PLEK: variants seen among roughly 807,000 people sequenced by gnomAD.
PLEK encodes the protein platelet 47 kDa protein.
Under a neutral mutation model 43.9 loss-of-function variants are expected in PLEK, and 25 were observed. That is an observed-to-expected ratio of 0.57 (90% CI 0.41 to 0.79). The LOEUF is 0.79. Among genes scored for constraint, PLEK ranks in the 30% least tolerant of loss-of-function variants. The pLI is 0.00. For missense variants in PLEK, 396 were observed against 413.3 expected (o/e 0.96, Z 0.36); for synonymous variants, 152 against 144.4 (o/e 1.05, Z -0.38).
chr2:68,380,599 C>A (rs1673593628), intron 2 of PLEK, 116 bp downstream of exon 2: 1 of 1,383,624 alleles, frequency 7.2e-7, no homozygotes, highest in Non-Finnish European at 1.0e-6. Context: ...CCACCACCCA[C>A]ACCCCACCCT....
In PLEK at chr2:68,380,835, A is replaced by C; in HGVS notation, c.311A>C (p.Glu104Ala). ...ATCAAGAAGGCCATTAAATGCATTGAAGGAGGCCAGAAATTTGCCAGGAAA... is the reference window on the plus strand; with the variant it reads ...ATCAAGAAGGCCATTAAATGCATTGCAGGAGGCCAGAAATTTGCCAGGAAA... ...RDIKKAIKCI[E>A]GGQKFARKST... is the part of the protein sequence containing the mutation. Residue 104 changes from glutamate (E) to alanine (A), a missense_variant, in exon 3 of 9, where the codon GAA (glutamate) becomes GCA (alanine). Physicochemically the swap from Glu to Ala is moderately radical, Grantham distance 107. Transcript: ENST00000234313. 2.5e-6 allele frequency: 4 copies of C among 1,614,060 alleles called. No individual in the cohort carries two copies. The highest frequency in any genetic ancestry group is 3.4e-6 in the Non-Finnish European group (4 of 1,179,928).
intron 1 of PLEK, among the ~76,000 whole-genome samples, chr2:68,379,988 C>G (rs73932647): frequency 0.17 from 25,286 of 151,942 alleles, 2,685 homozygotes; most frequent in African/African-American, 0.31. Flanking sequence ...CCTGAGATCA[C>G]GGTGGGTCTG....
chr2:68,371,742 T>C (rs1673410732), intron 1 of PLEK, among the ~76,000 whole-genome samples: 1 of 152,134 alleles, frequency 6.6e-6, no homozygotes. Flanking sequence ...GACAGAATTA[T>C]CATTTTCCTT....
At position 68,386,626 on chromosome 2, in the gene PLEK, T is replaced by G. The variant is rs746665845; in HGVS notation, c.597T>G (p.Ser199Arg). The change falls in exon 5 of 9, where the codon AGT (serine) becomes AGG (arginine). Residue 199 changes from serine to arginine, a missense_variant. By Grantham distance (110) the Ser-to-Arg change is moderately radical. Coordinates refer to ENST00000234313, the MANE Select transcript of PLEK (RefSeq NM_002664.3). ...YLQPAGDMSK[S>R]AVDGTAENPF... ...AGCCTGCTGGAGACATGTCCAAGAG[T>G]GCAGTGGATGGAACTGCTGAAAACC... 112 of 1,613,844 alleles carry G rather than the reference T, an allele frequency of 6.9e-5. No homozygotes were observed. In the East Asian group the frequency reaches 2.4e-3, roughly 34 times the overall value.
chr2:68,374,270 C>A (rs4233946), intron 1 of PLEK, among the ~76,000 whole-genome samples: 79,431 of 151,296 alleles, frequency 0.53, 22,308 homozygotes, highest in East Asian at 0.76. Context: ...ATAAAATGAC[C>A]TTATCTAATA....
At chr2:68,388,557 A>G (rs1462880444) in intron 6 of PLEK, 66 bp downstream of exon 6, 3 of 843,090 alleles carry the variant, frequency 3.6e-6, no homozygotes, top group Non-Finnish European at 6.1e-6. Flanking sequence ...TTTCTAAGTT[A>G]CCCAGTGACT....
chr2:68,394,073 T>C, intron 7 of PLEK, 34 bp from the exon 8 acceptor site: 1 of 1,446,988 alleles, frequency 6.9e-7, no homozygotes, highest in Middle Eastern at 1.7e-4. Context: ...CTCTGCATTT[T>C]GGAAACATAA....
intron 1 of PLEK, among the ~76,000 whole-genome samples, chr2:68,368,506 G>A (rs1203567262): frequency 1.3e-5 from 2 of 152,234 alleles, no homozygotes; most frequent in Admixed American, 1.3e-4. Flanking sequence ...ATTCTGAAAG[G>A]CAGGCTTGCC....
chr2:68,386,733 G>A, intron 5 of PLEK, 47 bp downstream of exon 5: 1 of 1,436,028 alleles, frequency 7.0e-7, no homozygotes, highest in South Asian at 1.2e-5. Context: ...AGGCTGCCCT[G>A]AGCAGATTCT....
intron 3 of PLEK, 47 bp downstream of exon 3, chr2:68,380,951 A>G (rs562499544): frequency 4.7e-5 from 72 of 1,526,396 alleles, no homozygotes; most frequent in Non-Finnish European, 5.3e-5. Context: ...TCTGAAAGAC[A>G]CAAACATAGC....
chr2:68,395,063 G>A (rs909684145), intron 8 of PLEK, among the ~76,000 whole-genome samples: 1 of 151,918 alleles, frequency 6.6e-6, no homozygotes, highest in Non-Finnish European at 1.5e-5. Flanking sequence ...TCACAGTATT[G>A]GCCAGGTTAT....
intron 1 of PLEK, among the ~76,000 whole-genome samples, chr2:68,367,939 G>C (rs993844508): frequency 4.6e-5 from 7 of 152,214 alleles, no homozygotes; most frequent in Non-Finnish European, 1.0e-4. Context: ...CCTGTGTCTT[G>C]TTTTATGAAA....
chr2:68,366,010 A>G (rs1285234881), intron 1 of PLEK, among the ~76,000 whole-genome samples: 1 of 152,144 alleles, frequency 6.6e-6, no homozygotes, highest in Non-Finnish European at 1.5e-5. Context: ...GGGTACTGAA[A>G]AAGGCTTAGC....
At chr2:68,377,873 C>T (rs1177231551) in intron 1 of PLEK, among the ~76,000 whole-genome samples, 1 of 152,102 alleles carries the variant, frequency 6.6e-6, no homozygotes, top group Admixed American at 6.5e-5. Context: ...AGATTTTCCC[C>T]AATATTTTCT....
intron 8 of PLEK, among the ~76,000 whole-genome samples, chr2:68,394,989 T>C (rs1373048977): frequency 6.7e-6 from 1 of 149,918 alleles, no homozygotes; most frequent in African/African-American, 2.5e-5. Flanking sequence ...CCTAGAATTA[T>C]ACTTTGGTTT....
At chr2:68,379,651 G>A (rs575360541) in intron 1 of PLEK, among the ~76,000 whole-genome samples, 1 of 152,204 alleles carries the variant, frequency 6.6e-6, no homozygotes, top group South Asian at 2.1e-4. Context: ...GTGTGAACCC[G>A]ACATGAAAAG....
chr2:68,385,697 A>T (rs1444899553), intron 4 of PLEK, among the ~76,000 whole-genome samples: 2 of 152,062 alleles, frequency 1.3e-5, no homozygotes, highest in East Asian at 3.9e-4. Context: ...CCTGCTTCAT[A>T]TGCTTGGCAA....
chr2:68,380,742 C>G lies in PLEK; in HGVS notation c.218C>G (p.Thr73Arg). ...GKRMFVFKIT[T>R]TKQQDHFFQA... ...TTTCAGTTTGTGTTTAAGATCACTACGACCAAACAGCAGGACCACTTCTTC... is the reference window on the plus strand; with the variant it reads ...TTTCAGTTTGTGTTTAAGATCACTAGGACCAAACAGCAGGACCACTTCTTC... The change falls in exon 3 of 9, where the codon ACG becomes AGG. Residue 73 changes from threonine to arginine, a missense_variant. Thr to Arg is a moderately conservative substitution (Grantham distance 71). Transcript: ENST00000234313. 6.2e-7 allele frequency: 1 copy of G among 1,613,660 alleles called. No homozygotes were observed. Among genetic ancestry groups the G allele is most frequent in the Non-Finnish European group, 8.5e-7 (1 of 1,179,780 alleles).
intron 1 of PLEK, among the ~76,000 whole-genome samples, chr2:68,374,838 T>C (rs190173808): frequency 3.3e-5 from 5 of 152,364 alleles, no homozygotes; most frequent in African/African-American, 4.8e-5. Flanking sequence ...TAGCGGTTCA[T>C]TTTTTAAAAA....
Sources: gnomAD v4.1 joint callset for allele counts (sites outside exome capture counted in the v4.1 genomes callset) on GRCh38, gnomAD v4.1.1 for gene constraint, MANE v1.5 for transcripts, NCBI Gene and HGNC (gene_info 2026-07-23, HGNC 2026-07-21) for gene names.